The following ZPBP variants were observed in gnomAD, a reference collection of about 807,000 sequenced individuals.
The protein encoded by ZPBP is zona pellucida-binding protein 1.
A neutral mutation model predicts 44.8 loss-of-function variants in ZPBP; 26 were observed. The observed-to-expected ratio is 0.58, with a 90% CI of 0.43 to 0.81. The LOEUF (loss-of-function observed/expected upper bound fraction) is 0.81. ZPBP is among the 30% of genes least tolerant of loss of function. ZPBP has a pLI of 0.00. For synonymous variants in ZPBP, 174 were observed against 153.2 expected (o/e 1.14, Z -1.00); for missense variants, 409 against 434.0 (o/e 0.94, Z 0.51).
chr7:49,981,344 TA>T (rs1259537403), intron 7 of ZPBP, among the ~76,000 whole-genome samples: 15,991 of 41,840 alleles, frequency 0.38, 2,987 homozygotes, highest in Middle Eastern at 0.47. Context: ...TTATATATAT[TA>T]TATAATATAT....
chr7:49,980,377 G>T (rs1289324354), intron 7 of ZPBP, among the ~76,000 whole-genome samples: 1 of 141,314 alleles, frequency 7.1e-6, no homozygotes, highest in East Asian at 2.1e-4. Context: ...AGTCTTAAAA[G>T]AGTTTAAAAA....
chr7:50,073,351 T>C (rs1464461347), intron 3 of ZPBP, among the ~76,000 whole-genome samples: 3 of 151,426 alleles, frequency 2.0e-5, no homozygotes, highest in African/African-American at 2.4e-5. Context: ...TAAAAATACA[T>C]GAAGGAGACA....
At chr7:49,876,529 T>C (rs917418171) in intron 2 of ZPBP, among the ~76,000 whole-genome samples, 2 of 152,220 alleles carry the variant, frequency 1.3e-5, no homozygotes, top group Non-Finnish European at 2.9e-5. Context: ...TTCAGGGATA[T>C]GCTGCTGACA....
At chr7:49,848,279 C>T (rs1431206595), downstream of ZPBP, among the ~76,000 whole-genome samples, 2 of 152,212 alleles carry the variant, frequency 1.3e-5, no homozygotes, top group East Asian at 1.9e-4. Flanking sequence ...CACCCTCCCA[C>T]CTCCACTCAG....
chr7:50,038,484 C>G (rs1281521844), intron 4 of ZPBP, among the ~76,000 whole-genome samples: 1 of 152,160 alleles, frequency 6.6e-6, no homozygotes, highest in Non-Finnish European at 1.5e-5. Flanking sequence ...ATCAGTAGAG[C>G]AATTTATTTC....
rs559681454 is a variant in ZPBP at position 50,085,842 on chromosome 7, T to A, written c.208+3787A>T. On this transcript the variant is annotated intron_variant, in intron 2 of 7. Transcript: ENST00000046087. ...AACTTTGACTTGTTCTGAACATTCC[T>A]GAAAAAGTTAGCAGGACACATGCAT... Among the ~76,000 whole-genome samples, 7 of 152,198 alleles carry A rather than the reference T, an allele frequency of 4.6e-5. No individual in the cohort carries two copies. In the South Asian group the frequency reaches 1.5e-3, roughly 32 times the overall value.
At chr7:50,011,209 C>G (rs1174336457) in intron 6 of ZPBP, among the ~76,000 whole-genome samples, 1 of 152,072 alleles carries the variant, frequency 6.6e-6, no homozygotes, top group Non-Finnish European at 1.5e-5. Context: ...ATACAAAAAT[C>G]AACTCAATAT....
In ZPBP at chr7:50,010,908, C is replaced by CAA. The variant is rs71554292; in HGVS notation, c.783+7330_783+7331dup. On this transcript the variant is annotated intron_variant, in intron 6 of 7. Transcript: ENST00000046087. ...CCCACATAGCCAAAGCAAGACCAAGCAAAAAAAAAAAAAAAAAAAACAAAT... is the reference window on the plus strand; with the variant it reads ...CCCACATAGCCAAAGCAAGACCAAGCAAAAAAAAAAAAAAAAAAAAAACAAAT... Among the ~76,000 whole-genome samples, 248 of 92,376 alleles carry CAA rather than the reference C, an allele frequency of 2.7e-3. 2 individuals are homozygous for CAA. Among genetic ancestry groups the CAA allele is most frequent in the African/African-American group, 6.6e-3 (117 of 17,852 alleles). 60.6% of individuals were successfully genotyped at this position (92,376 alleles called of 152,430 possible).
At chr7:49,977,328 A>T (rs1186811141) in intron 7 of ZPBP, among the ~76,000 whole-genome samples, 1 of 152,092 alleles carries the variant, frequency 6.6e-6, no homozygotes, top group Non-Finnish European at 1.5e-5. Context: ...ATTTAAATAC[A>T]TGTAGTGAAA....
chr7:49,912,432 C>T, intron 1 of ZPBP: 1 of 394,204 alleles, frequency 2.5e-6, no homozygotes, highest in Non-Finnish European at 4.6e-6. Context: ...ACAGTAAGTA[C>T]ACAAAAGTAC....
intron 4 of ZPBP, among the ~76,000 whole-genome samples, chr7:50,034,929 T>A (rs1799763991): frequency 6.6e-6 from 1 of 152,228 alleles, no homozygotes; most frequent in Non-Finnish European, 1.5e-5. Context: ...CCCCAAATAT[T>A]GAGGATTGTA....
chr7:49,915,420 TATC>T (rs1356463603), intron 1 of ZPBP: 1 of 152,244 alleles, frequency 6.6e-6, no homozygotes, highest in Non-Finnish European at 1.5e-5. Flanking sequence ...TAAGAAGAAT[TATC>T]ATGCAGTTTT....
intron 7 of ZPBP, among the ~76,000 whole-genome samples, chr7:49,944,989 A>T (rs1015199536): frequency 3.3e-5 from 5 of 152,144 alleles, no homozygotes; most frequent in Non-Finnish European, 7.4e-5. Flanking sequence ...TGCCTATTGC[A>T]ATAAACTTCC....
downstream of ZPBP, among the ~76,000 whole-genome samples, chr7:49,936,638 G>A (rs1794628418): frequency 6.6e-6 from 1 of 152,092 alleles, no homozygotes; most frequent in African/African-American, 2.4e-5. Flanking sequence ...ACAATAATTG[G>A]AAAAATTGAG....
downstream of ZPBP, among the ~76,000 whole-genome samples, chr7:49,934,602 T>C (rs1298036032): frequency 6.6e-6 from 1 of 152,162 alleles, no homozygotes; most frequent in African/African-American, 2.4e-5. Flanking sequence ...AATGGCACAA[T>C]AATATTCAAT....
chr7:50,083,132 C>CT (rs1371266033), intron 2 of ZPBP, among the ~76,000 whole-genome samples: 1 of 151,756 alleles, frequency 6.6e-6, no homozygotes, highest in Non-Finnish European at 1.5e-5. Flanking sequence ...TGACTGTACC[C>CT]TTCCTCTCGC....
chr7:50,028,080 C>T (rs1333149144), intron 5 of ZPBP, among the ~76,000 whole-genome samples: 1 of 147,102 alleles, frequency 6.8e-6, no homozygotes, highest in Non-Finnish European at 1.5e-5. Flanking sequence ...ATTACCCTGA[C>T]ACCAATGCCA....
At chr7:50,059,977 T>C (rs985204178) in intron 3 of ZPBP, among the ~76,000 whole-genome samples, 1 of 150,556 alleles carries the variant, frequency 6.6e-6, no homozygotes, top group African/African-American at 2.4e-5. Flanking sequence ...AAGGAAGGCA[T>C]TGAGAGTAGT....
rs1803060764 is a variant in ZPBP, at chr7:50,092,845, G to A, written c.127+223C>T. ...TTGTAAAACTTCAACTGTGGGTGAC[G>A]TAGTGATCCATCTATACCTTAATTT... On this transcript the variant is annotated intron_variant, in intron 1 of 7. Coordinates refer to ENST00000046087, the MANE Select transcript of ZPBP (RefSeq NM_007009.3). The A allele has an allele frequency of 5.3e-6, 3 of 567,896 alleles. No homozygotes were observed. The Admixed American group carries it at 1.2e-4, about 24-fold the overall frequency. The allele number at this position is 567,896 out of a possible 1,614,324, so 35.2% of individuals were successfully genotyped here.
Sources: allele counts gnomAD v4.1 joint callset (sites outside exome capture counted in the v4.1 genomes callset), GRCh38; gene constraint gnomAD v4.1.1; transcripts MANE v1.5; gene names NCBI Gene and HGNC (gene_info 2026-07-23, HGNC 2026-07-21).